MAP4K4: variants seen among roughly 807,000 people sequenced by gnomAD.
MAP4K4 encodes the protein mitogen-activated protein kinase kinase kinase kinase 4, also known as HPK/GCK-like kinase HGK.
Under a neutral mutation model 189.6 loss-of-function variants are expected in MAP4K4, and 38 were observed. The observed-to-expected ratio is 0.20, with a 90% CI of 0.15 to 0.26. The LOEUF (loss-of-function observed/expected upper bound fraction) is 0.26. Ranked by LOEUF, MAP4K4 falls within the 10% of genes least tolerant of loss-of-function variation. MAP4K4 has a pLI of 1.00. For synonymous variants in MAP4K4, 610 were observed against 624.3 expected (o/e 0.98, Z 0.34); for missense variants, 1,054 against 1,726.9 (o/e 0.61, Z 6.91).
At chr2:101,757,001 A>G (rs1363949240) in intron 2 of MAP4K4, among the ~76,000 whole-genome samples, 1 of 152,162 alleles carries the variant, frequency 6.6e-6, no homozygotes, top group Non-Finnish European at 1.5e-5. Flanking sequence ...TTGATTCTTC[A>G]TTTAACTTCA....
chr2:101,716,783 G>A (rs1192235620), intron 2 of MAP4K4, among the ~76,000 whole-genome samples: 31 of 152,148 alleles, frequency 2.0e-4, no homozygotes, highest in Non-Finnish European at 2.9e-5. Context: ...GCAGTTAACT[G>A]GGGGCTGCAT....
chr2:101,821,172 T>A (rs1369511241), intron 3 of MAP4K4, among the ~76,000 whole-genome samples: 2 of 152,314 alleles, frequency 1.3e-5, no homozygotes, highest in South Asian at 2.1e-4. Flanking sequence ...GGTAGGACTT[T>A]CCTATATGCA....
rs115972573 is a variant in MAP4K4, at chr2:101,842,501, C to T, written c.950-108C>T. ...TCCTCTATACAAGTTGCTGTTTTCA[C>T]AGGGAACTTGTTTATTTTCTGCCAA... On this transcript the variant is annotated intron_variant, in intron 10 of 32. Coordinates refer to ENST00000324219, the Ensembl canonical transcript of MAP4K4. 4.2e-6 allele frequency: 3 copies of T among 710,190 alleles called. No homozygotes were observed. In the Admixed American group the frequency reaches 8.2e-5, roughly 19 times the overall value. 44.0% of individuals were successfully genotyped at this position (710,190 alleles called of 1,614,324 possible).
At chr2:101,787,546 C>T (rs973261028) in intron 2 of MAP4K4, among the ~76,000 whole-genome samples, 2 of 152,174 alleles carry the variant, frequency 1.3e-5, no homozygotes, top group Admixed American at 6.5e-5. Context: ...TTGTAGCCCA[C>T]CCTGAGCGGA....
At chr2:101,701,893 G>A (rs1311054375) in intron 2 of MAP4K4, among the ~76,000 whole-genome samples, 1 of 152,054 alleles carries the variant, frequency 6.6e-6, no homozygotes, top group East Asian at 1.9e-4. Context: ...TGAGACGGAG[G>A]TTTGCTCTGT....
At chr2:101,782,086 A>G (rs1457956817) in intron 2 of MAP4K4, among the ~76,000 whole-genome samples, 2 of 152,366 alleles carry the variant, frequency 1.3e-5, no homozygotes, top group Non-Finnish European at 2.9e-5. Flanking sequence ...TCCCTGGGCC[A>G]TTAAGAAAAG....
intron 2 of MAP4K4, among the ~76,000 whole-genome samples, chr2:101,725,111 A>AGAACGT (rs1341437807): frequency 3.3e-5 from 5 of 152,224 alleles, no homozygotes; most frequent in African/African-American, 1.2e-4. Context: ...TGCCTTTCAC[A>AGAACGT]GAACGTGTCC....
chr2:101,844,364 C>A, intron 12 of MAP4K4, 53 bp downstream of exon 12: 1 of 1,447,698 alleles, frequency 6.9e-7, no homozygotes, highest in Non-Finnish European at 9.5e-7. Context: ...TCTGCATTTA[C>A]ACTGGTAGTT....
At chr2:101,747,111 CT>C (rs528458007) in intron 2 of MAP4K4, among the ~76,000 whole-genome samples, 1 of 151,168 alleles carries the variant, frequency 6.6e-6, no homozygotes, top group Admixed American at 6.6e-5. Flanking sequence ...TGTCCATATT[CT>C]TTTTTTTTGT....
chr2:101,712,269 A>G (rs2046029071), intron 2 of MAP4K4, among the ~76,000 whole-genome samples: 1 of 152,026 alleles, frequency 6.6e-6, no homozygotes, highest in East Asian at 1.9e-4. Context: ...ATCTCGGCTC[A>G]CTGCAACCTC....
At chr2:101,871,466 G>A (rs370492202) in intron 23 of MAP4K4, 28 bp from the exon 24 acceptor site, 78 of 1,509,584 alleles carry the variant, frequency 5.2e-5, no homozygotes, top group Non-Finnish European at 6.6e-5. Flanking sequence ...GCGCTTGAGC[G>A]AGACAAGTGT....
chr2:101,821,109 T>A (rs189753595), intron 3 of MAP4K4, among the ~76,000 whole-genome samples: 21 of 152,252 alleles, frequency 1.4e-4, no homozygotes, highest in African/African-American at 5.1e-4. Flanking sequence ...AATTTTTCAT[T>A]GCTGCTTTCA....
At chr2:101,802,316 T>C (rs915259184) in intron 3 of MAP4K4, among the ~76,000 whole-genome samples, 2 of 152,164 alleles carry the variant, frequency 1.3e-5, no homozygotes, top group Admixed American at 6.5e-5. Flanking sequence ...CACTTCTCAC[T>C]GTAGCAGCTG....
At position 101,834,524 on chromosome 2, in the gene MAP4K4, A is replaced by C. The variant is rs2096687003; in HGVS notation, c.694+61A>C. 3.0e-6 allele frequency: 4 copies of C among 1,348,708 alleles called. No individual in the cohort carries two copies. The African/African-American group carries it at 5.7e-5, about 19-fold the overall frequency. The allele number at this position is 1,348,708 out of a possible 1,614,324, so 83.5% of individuals were successfully genotyped here. ...ACATGTGACTTAAACCCCTCCCAAG[A>C]CTTCAAAAAGAACAGCTCAGCTCCA... is the stretch of plus-strand genomic sequence containing the variant. On this transcript the variant is annotated intron_variant, in intron 8 of 32. Transcript: ENST00000324219.
rs2096276680 is a variant in MAP4K4, at chr2:101,824,780, CT to C, written c.307-538del. 2.0e-5 allele frequency among the ~76,000 whole-genome samples: 3 copies of C among 152,258 alleles called. No homozygotes were observed. In the South Asian group the frequency reaches 6.2e-4, roughly 32 times the overall value. On this transcript the variant is annotated intron_variant, in intron 4 of 32. Transcript: ENST00000324219. ...AGAATAGTTCAATTCAGTTTATTTT[CT>C]GGGTACTTTAAACATACCATTGTGA... is the stretch of plus-strand genomic sequence containing the variant.
At chr2:101,819,769 A>ATTT (rs1444200802) in intron 3 of MAP4K4, among the ~76,000 whole-genome samples, 1 of 152,194 alleles carries the variant, frequency 6.6e-6, no homozygotes, top group Non-Finnish European at 1.5e-5. Context: ...ACTTGATTAT[A>ATTT]TTTTAGTTGT....
Position 101,811,588 on chromosome 2 carries a change from T to C in MAP4K4, c.181-12340T>C, listed in dbSNP as rs192665121. Among the ~76,000 whole-genome samples the C allele has an allele frequency of 2.7e-3, 407 of 152,200 alleles. 13 individuals carry two copies. The highest frequency in any genetic ancestry group is 0.025 in the Admixed American group (377 of 15,288). ...CATTTCCTTGTCCCTGTGCTCTGCCTGCCTCTGTATCTGCATTGGTCCATG... is the reference window on the plus strand; with the variant it reads ...CATTTCCTTGTCCCTGTGCTCTGCCCGCCTCTGTATCTGCATTGGTCCATG... On this transcript the variant is annotated intron_variant, in intron 3 of 32. Transcript: ENST00000324219.
chr2:101,790,384 G>A (rs1242886268), intron 2 of MAP4K4, among the ~76,000 whole-genome samples: 1 of 151,630 alleles, frequency 6.6e-6, no homozygotes, highest in East Asian at 2.0e-4. Context: ...GGAAAGAAGT[G>A]TAAAATATAG....
intron 2 of MAP4K4, among the ~76,000 whole-genome samples, chr2:101,778,131 A>C (rs113608665): frequency 7.2e-5 from 11 of 152,104 alleles, no homozygotes; most frequent in Non-Finnish European, 1.3e-4. Context: ...TCCTCTCATC[A>C]AAGGTTGATG....
Sources: gnomAD v4.1 joint callset for allele counts (sites outside exome capture counted in the v4.1 genomes callset) on GRCh38, gnomAD v4.1.1 for gene constraint, MANE v1.5 for transcripts, NCBI Gene and HGNC (gene_info 2026-07-23, HGNC 2026-07-21) for gene names.